BCOR: variants seen among roughly 807,000 people sequenced by gnomAD.
BCOR encodes the protein BCL-6 corepressor.
In BCOR, 10 loss-of-function variants were observed where a neutral mutation model predicts 86.7. That is an observed-to-expected ratio of 0.12 (90% CI 0.07 to 0.20). The LOEUF (loss-of-function observed/expected upper bound fraction) is 0.20, where lower values mean the gene tolerates loss of function less well. Among genes scored for constraint, BCOR ranks in the 10% least tolerant of loss-of-function variants. The pLI, the probability that BCOR is intolerant of heterozygous loss-of-function variation, is 1.00. For missense variants in BCOR, 1,259 were observed against 1,452.1 expected, an observed-to-expected ratio of 0.87 and a Z score of 2.16; for synonymous variants, 611 against 609.0, an observed-to-expected ratio of 1.00 and a Z score of -0.05.
chrX:40,065,425 C>A (rs1935150052), intron 6 of BCOR, among the ~76,000 whole-genome samples: 1 of 112,710 alleles, frequency 8.9e-6, no homozygotes, highest in African/African-American at 3.2e-5. Flanking sequence ...CCAGCTGACA[C>A]TCCTCTTCAC....
chrX:40,080,967 GCACACGCGCACACA>G (rs760581736), intron 1 of BCOR, among the ~76,000 whole-genome samples: 7 of 48,936 alleles, frequency 1.4e-4, no homozygotes, highest in African/African-American at 2.2e-4. Context: ...GTGCACGCAC[GCACACGCGCACACA>G]CACACGCGCA....
chrX:40,119,244 GTT>G (rs770429555), intron 1 of BCOR, among the ~76,000 whole-genome samples: 19 of 91,987 alleles, frequency 2.1e-4, no homozygotes, highest in Admixed American at 4.8e-4. Flanking sequence ...TTTGGGTGTT[GTT>G]TTTTTTTTTT....
intron 1 of BCOR, among the ~76,000 whole-genome samples, chrX:40,135,284 C>T (rs766668732): frequency 3.6e-5 from 4 of 111,489 alleles, no homozygotes; most frequent in Non-Finnish European, 7.6e-5. Context: ...GAAACTTGCT[C>T]GGTCTGGGGT....
intron 1 of BCOR, among the ~76,000 whole-genome samples, chrX:40,106,825 G>A (rs1306921393): frequency 9.0e-6 from 1 of 110,983 alleles, no homozygotes; most frequent in Non-Finnish European, 1.9e-5. Flanking sequence ...AGAGCGTGGT[G>A]GAAACTTCTC....
chrX:40,147,421 C>A (rs755774011), intron 1 of BCOR, among the ~76,000 whole-genome samples: 32 of 112,727 alleles, frequency 2.8e-4, no homozygotes, highest in Admixed American at 2.8e-4. Flanking sequence ...AACCAGAAAC[C>A]CGGGGATATT....
chrX:40,124,275 AT>A (rs5902246), intron 1 of BCOR, among the ~76,000 whole-genome samples: 3,225 of 103,409 alleles, frequency 0.031, 113 homozygotes, highest in African/African-American at 0.1. Context: ...CTCTATATAC[AT>A]TTTTTTTTTT....
upstream of BCOR, among the ~76,000 whole-genome samples, chrX:40,098,035 T>TCCTCCCTCCCGCCCGCCCTA (rs1255319092): frequency 2.9e-4 from 12 of 41,951 alleles, no homozygotes; most frequent in African/African-American, 3.9e-4. Context: ...CCTCCGCCCG[T>TCCTCCCTCCCGCCCGCCCTA]CCTCCCTCCC....
At chrX:40,093,743 G>A in intron 1 of BCOR, among the ~76,000 whole-genome samples, 1 of 111,688 alleles carries the variant, frequency 9.0e-6, no homozygotes, top group East Asian at 2.8e-4. Flanking sequence ...TTCAGGCTCA[G>A]GTCCTTGGTC....
chrX:40,129,368 C>G (rs1338411262), intron 1 of BCOR, among the ~76,000 whole-genome samples: 1 of 110,477 alleles, frequency 9.1e-6, no homozygotes, highest in Admixed American at 9.6e-5. Context: ...CCTGTAGTCC[C>G]AGCTACTCGG....
chrX:40,079,115 C>A (rs1223093899), intron 1 of BCOR, among the ~76,000 whole-genome samples: 1 of 110,974 alleles, frequency 9.0e-6, no homozygotes, highest in African/African-American at 3.3e-5. Flanking sequence ...TGTCCCTTGT[C>A]CAGACCGGCC....
chrX:40,052,916 C>G (rs1406343042), intron 14 of BCOR, among the ~76,000 whole-genome samples: 56 of 111,760 alleles, frequency 5.0e-4, no homozygotes, highest in Non-Finnish European at 5.6e-5. Context: ...GCAGTAGGAA[C>G]TCTGGACTCA....
intron 1 of BCOR, among the ~76,000 whole-genome samples, chrX:40,171,106 T>C (rs907485915): frequency 1.8e-5 from 2 of 112,139 alleles, no homozygotes; most frequent in East Asian, 5.6e-4. Flanking sequence ...CCAGAAGCCA[T>C]GTGAAGCCAG....
intron 1 of BCOR, among the ~76,000 whole-genome samples, chrX:40,090,125 C>T (rs1389791928): frequency 2.7e-5 from 3 of 112,978 alleles, no homozygotes; most frequent in African/African-American, 6.4e-5. Context: ...ACCTCCGGCT[C>T]GGCTCGATGG....
chrX:40,091,698 G>A (rs1336543390), intron 1 of BCOR, among the ~76,000 whole-genome samples: 1 of 113,525 alleles, frequency 8.8e-6, no homozygotes, highest in Non-Finnish European at 1.9e-5. Context: ...TGCGCGCGAC[G>A]AACGCGGCTC....
intron 1 of BCOR, among the ~76,000 whole-genome samples, chrX:40,086,695 G>A (rs1324167610): frequency 8.8e-6 from 1 of 113,808 alleles, no homozygotes; most frequent in East Asian, 2.8e-4. Context: ...AGCGCTGCTC[G>A]CGCGCCAACA....
intron 1 of BCOR, among the ~76,000 whole-genome samples, chrX:40,124,991 G>T (rs1277632870): frequency 9.6e-6 from 1 of 104,254 alleles, no homozygotes; most frequent in Non-Finnish European, 2.0e-5. Flanking sequence ...GGGAGTGTTG[G>T]GTCAGACAGA....
chrX:40,163,671 A>T (rs931286781), intron 1 of BCOR, among the ~76,000 whole-genome samples: 2 of 99,847 alleles, frequency 2.0e-5, no homozygotes, highest in Non-Finnish European at 4.0e-5. Context: ...TTGAATCTGG[A>T]TGGGTTTGTG....
chrX:40,052,523 T>A, intron 14 of BCOR, 123 bp from the exon 15 acceptor site: 1 of 456,715 alleles, frequency 2.2e-6, no homozygotes, highest in Non-Finnish European at 3.7e-6. Flanking sequence ...CTCCCACCCC[T>A]CATTTCTCAC....
chrX:40,054,310 G>C lies in BCOR; in HGVS notation c.4765C>G (p.Arg1589Gly), dbSNP rs754643148. 5.0e-6 allele frequency: 6 copies of C among 1,204,209 alleles called. No individual in the cohort carries two copies. The South Asian group carries it at 1.1e-4, about 21-fold the overall frequency. ...GTGCCACTGGCGTCATCATCATTGC[G>C]ACCCTGGAGGTCATTTAAATAATCT... ...LTDYLNDLQG[R>G]NDDDASGTWD... The change falls in exon 13 of 15, where the codon CGC becomes GGC. Residue 1589 changes from arginine (R) to glycine (G), a missense_variant. Arg to Gly is a moderately radical substitution (Grantham distance 125, BLOSUM62 -2). This residue lies in a region of BCOR where 137 missense variants were observed against 149.8 expected (regional missense o/e 0.91). Coordinates refer to ENST00000378444, the MANE Select transcript of BCOR (RefSeq NM_001123385.2).
Sources: gnomAD v4.1 joint callset for allele counts (sites outside exome capture counted in the v4.1 genomes callset) on GRCh38, gnomAD v4.1.1 for gene constraint, gnomAD v4.1.1 regional missense constraint, MANE v1.5 for transcripts, NCBI Gene and HGNC (gene_info 2026-07-23, HGNC 2026-07-21) for gene names.